The following PDSS2 variants were observed in gnomAD, a reference collection of about 807,000 sequenced individuals.
PDSS2 encodes decaprenyl diphosphate synthase subunit 2.
In PDSS2, 31 loss-of-function variants were observed where a neutral mutation model predicts 44.5. That is an observed-to-expected ratio of 0.70 (90% CI 0.52 to 0.94). The LOEUF is 0.94. Among genes scored for constraint, PDSS2 ranks in the 40% least tolerant of loss-of-function variants. The pLI is 0.00. For missense variants in PDSS2, 452 were observed against 482.2 expected (o/e 0.94, Z 0.59); for synonymous variants, 157 against 180.3 (o/e 0.87, Z 1.03).
At chr6:107,337,506 T>A (rs1241762995) in intron 1 of PDSS2, among the ~76,000 whole-genome samples, 1 of 152,226 alleles carries the variant, frequency 6.6e-6, no homozygotes, top group African/African-American at 2.4e-5. Flanking sequence ...ACTCTAAGGC[T>A]ATGACCTCTT....
chr6:107,212,401 C>T, intron 4 of PDSS2, 119 bp from the exon 5 acceptor site: 1 of 758,352 alleles, frequency 1.3e-6, no homozygotes, highest in East Asian at 2.7e-5. Flanking sequence ...GCTATTGGAA[C>T]AAGACAGAAC....
chr6:107,157,310 G>A (rs560404590), intron 7 of PDSS2, among the ~76,000 whole-genome samples: 1 of 151,876 alleles, frequency 6.6e-6, no homozygotes, highest in African/African-American at 2.4e-5. Context: ...TCAGCCACCC[G>A]GGTAGCTGGG....
chr6:107,451,198 A>G (rs1243672531), intron 1 of PDSS2, among the ~76,000 whole-genome samples: 1 of 152,160 alleles, frequency 6.6e-6, no homozygotes, highest in Non-Finnish European at 1.5e-5. Context: ...TTACATTCCC[A>G]TCAGCAATGC....
intron 2 of PDSS2, among the ~76,000 whole-genome samples, chr6:107,324,717 C>G (rs1351583299): frequency 2.0e-5 from 3 of 152,114 alleles, no homozygotes; most frequent in Non-Finnish European, 4.4e-5. Flanking sequence ...TAAAATGCTA[C>G]ATATTTGAAT....
chr6:107,413,224 T>C (rs1231745055), intron 1 of PDSS2, among the ~76,000 whole-genome samples: 1 of 152,190 alleles, frequency 6.6e-6, no homozygotes, highest in African/African-American at 2.4e-5. Context: ...CACTTTATCA[T>C]GAGTCTCAAT....
At chr6:107,220,109 T>C (rs1208888349) in intron 4 of PDSS2, among the ~76,000 whole-genome samples, 1 of 138,358 alleles carries the variant, frequency 7.2e-6, no homozygotes, top group Non-Finnish European at 1.5e-5. Context: ...TGAGGGACCT[T>C]ATAGGGGTGT....
intron 6 of PDSS2, among the ~76,000 whole-genome samples, chr6:107,199,001 A>G (rs1359056357): frequency 6.6e-6 from 1 of 152,216 alleles, no homozygotes; most frequent in Non-Finnish European, 1.5e-5. Context: ...GTCTCAAAAA[A>G]TAAATAAATA....
At chr6:107,358,630 C>T (rs1236137961) in intron 1 of PDSS2, among the ~76,000 whole-genome samples, 1 of 152,034 alleles carries the variant, frequency 6.6e-6, no homozygotes, top group Non-Finnish European at 1.5e-5. Context: ...AAATTTGAGA[C>T]TGAGGAGAAA....
chr6:107,269,317 C>T (rs1775513271), intron 3 of PDSS2, among the ~76,000 whole-genome samples: 1 of 145,112 alleles, frequency 6.9e-6, no homozygotes. Context: ...AAATCTAGGC[C>T]TTCTCAATCT....
chr6:107,220,413 G>T (rs1452242275), intron 4 of PDSS2, among the ~76,000 whole-genome samples: 2 of 151,926 alleles, frequency 1.3e-5, no homozygotes. Flanking sequence ...TATGGTTCAG[G>T]CTTTCTGCAA....
At chr6:107,321,545 T>C (rs527761023) in intron 2 of PDSS2, among the ~76,000 whole-genome samples, 12 of 152,308 alleles carry the variant, frequency 7.9e-5, no homozygotes, top group Non-Finnish European at 1.6e-4. Context: ...TGAGCAGATA[T>C]GCCTAACTTC....
chr6:107,163,074 T>C (rs191642773), intron 7 of PDSS2, among the ~76,000 whole-genome samples: 3 of 152,354 alleles, frequency 2.0e-5, no homozygotes, highest in Admixed American at 2.0e-4. Context: ...TGCTATGACA[T>C]TGTCATTTTG....
chr6:107,448,128 T>C (rs753374069), intron 1 of PDSS2, among the ~76,000 whole-genome samples: 5 of 152,142 alleles, frequency 3.3e-5, no homozygotes, highest in African/African-American at 1.2e-4. Flanking sequence ...TTTTCTCTCA[T>C]AGGCCTCTAG....
intron 4 of PDSS2, among the ~76,000 whole-genome samples, chr6:107,240,970 A>C (rs1456210307): frequency 6.6e-6 from 1 of 152,166 alleles, no homozygotes; most frequent in Admixed American, 6.5e-5. Flanking sequence ...AATTCAACTT[A>C]CTTAGTACAG....
intron 1 of PDSS2, among the ~76,000 whole-genome samples, chr6:107,392,826 T>C (rs1280216383): frequency 6.6e-6 from 1 of 152,106 alleles, no homozygotes; most frequent in Non-Finnish European, 1.5e-5. Context: ...AGAACAGTTA[T>C]ACCCAGACTT....
At chr6:107,295,640 A>T (rs1776486504) in intron 2 of PDSS2, among the ~76,000 whole-genome samples, 2 of 152,220 alleles carry the variant, frequency 1.3e-5, no homozygotes, top group Non-Finnish European at 2.9e-5. Flanking sequence ...TCACTCCAAG[A>T]GTGACCAGCA....
intron 3 of PDSS2, among the ~76,000 whole-genome samples, chr6:107,272,490 A>G (rs1277031529): frequency 6.6e-6 from 1 of 152,192 alleles, no homozygotes; most frequent in African/African-American, 2.4e-5. Context: ...GTAAGACAGA[A>G]GGAGCCTGGA....
chr6:107,436,001 G>A (rs1781339699), intron 1 of PDSS2, among the ~76,000 whole-genome samples: 1 of 152,004 alleles, frequency 6.6e-6, no homozygotes, highest in South Asian at 2.1e-4. Context: ...AGGAAGAAAA[G>A]CAAATCCAGC....
chr6:107,377,780 G>A (rs1285946467), intron 1 of PDSS2, among the ~76,000 whole-genome samples: 36 of 151,866 alleles, frequency 2.4e-4, no homozygotes, highest in South Asian at 8.3e-4. Context: ...GTAAACTATC[G>A]CAAGGACAAA....
Sources: allele counts gnomAD v4.1 joint callset (sites outside exome capture counted in the v4.1 genomes callset), GRCh38; gene constraint gnomAD v4.1.1; transcripts MANE v1.5; gene names NCBI Gene and HGNC (gene_info 2026-07-23, HGNC 2026-07-21).